The following LRP1B variants were observed in gnomAD, a reference collection of about 807,000 sequenced individuals.
LRP1B encodes low-density lipoprotein receptor-related protein 1B.
Under a neutral mutation model 556.6 loss-of-function variants are expected in LRP1B, and 217 were observed. That is an observed-to-expected ratio of 0.39 (90% CI 0.35 to 0.44). The LOEUF is 0.44. Among genes scored for constraint, LRP1B ranks in the 20% least tolerant of loss-of-function variants. LRP1B has a pLI of 1.00. For synonymous variants in LRP1B, 2,047 were observed against 1,865.8 expected (o/e 1.10, Z -2.50); for missense variants, 5,053 against 5,620.8 (o/e 0.90, Z 3.23).
intron 84 of LRP1B, among the ~76,000 whole-genome samples, chr2:140,295,639 G>A (rs1662057616): frequency 6.6e-6 from 1 of 152,142 alleles, no homozygotes; most frequent in African/African-American, 2.4e-5. Flanking sequence ...TGCTAAATAG[G>A]TAATATTCAG....
chr2:141,359,431 TA>T (rs1559028046), intron 3 of LRP1B, among the ~76,000 whole-genome samples: 1 of 152,092 alleles, frequency 6.6e-6, no homozygotes, highest in Non-Finnish European at 1.5e-5. Context: ...ATAAATGACT[TA>T]CGAGGAAAAG....
At chr2:141,765,993 G>T (rs897999266) in intron 2 of LRP1B, among the ~76,000 whole-genome samples, 1 of 151,960 alleles carries the variant, frequency 6.6e-6, no homozygotes, top group Non-Finnish European at 1.5e-5. Context: ...ACTGTAAAAG[G>T]AGCACGTGAA....
intron 6 of LRP1B, among the ~76,000 whole-genome samples, chr2:141,226,175 T>C (rs1441187158): frequency 6.6e-6 from 1 of 152,000 alleles, no homozygotes; most frequent in Non-Finnish European, 1.5e-5. Context: ...TCTTTCAGCA[T>C]ATTCAATAAA....
chr2:141,064,881 A>C (rs1699436036), intron 7 of LRP1B, among the ~76,000 whole-genome samples: 1 of 151,902 alleles, frequency 6.6e-6, no homozygotes, highest in African/African-American at 2.4e-5. Context: ...TGGGTTAAAA[A>C]TCACTCTCTT....
intron 3 of LRP1B, among the ~76,000 whole-genome samples, chr2:141,362,408 A>G (rs956192807): frequency 5.3e-5 from 8 of 152,194 alleles, no homozygotes; most frequent in Non-Finnish European, 2.9e-5. Context: ...TAGCCAGCAG[A>G]TGGGCATGGC....
chr2:141,406,389 T>C (rs898992920), intron 3 of LRP1B, among the ~76,000 whole-genome samples: 2 of 152,036 alleles, frequency 1.3e-5, no homozygotes, highest in African/African-American at 4.8e-5. Context: ...TAACATAAAC[T>C]GGGCCTATCT....
intron 1 of LRP1B, among the ~76,000 whole-genome samples, chr2:141,960,765 C>T (rs1043498340): frequency 9.9e-5 from 15 of 151,890 alleles, no homozygotes; most frequent in African/African-American, 3.6e-4. Context: ...GATTATCTTT[C>T]TATACATTAA....
chr2:141,882,434 G>T lies in LRP1B; in HGVS notation c.83-72033C>A, dbSNP rs534582058. 1.2e-4 allele frequency among the ~76,000 whole-genome samples: 18 copies of T among 152,258 alleles called. No homozygotes were observed. The South Asian group carries it at 3.5e-3, about 30-fold the overall frequency. ...CATTAGTCCCAAATCCATGAAGCCT[G>T]CTCTGCTTATAGATTGTTTGCAGCC... On this transcript the variant is annotated intron_variant, in intron 1 of 90. Transcript: ENST00000389484.
Position 141,231,679 on chromosome 2 carries a change from C to T in LRP1B, c.593-2239G>A, listed in dbSNP as rs182436356. Among the ~76,000 whole-genome samples the T allele has an allele frequency of 2.1e-3, 281 of 136,154 alleles. 1 individual carries two copies. Among genetic ancestry groups the T allele is most frequent in the African/African-American group, 7.3e-3 (271 of 37,044 alleles). 89.3% of individuals were successfully genotyped at this position (136,154 alleles called of 152,430 possible). ...ACCTTCCTTTCTTAAATTGTTATTGCTATCGTGTGCACCTGCCATACAAGG... is the reference window on the plus strand; with the variant it reads ...ACCTTCCTTTCTTAAATTGTTATTGTTATCGTGTGCACCTGCCATACAAGG... On this transcript the variant is annotated intron_variant, in intron 5 of 90. Transcript: ENST00000389484.
At chr2:141,464,506 G>T (rs111663470) in intron 3 of LRP1B, among the ~76,000 whole-genome samples, 4 of 148,844 alleles carry the variant, frequency 2.7e-5, no homozygotes, top group Non-Finnish European at 5.9e-5. Context: ...TCTGCCTCCC[G>T]GGTTCACGCC....
intron 7 of LRP1B, among the ~76,000 whole-genome samples, chr2:141,094,946 T>C (rs1882630): frequency 0.29 from 44,817 of 151,990 alleles, 7,089 homozygotes; most frequent in East Asian, 0.65. Flanking sequence ...GAAAGTTTGA[T>C]CCCCAGTGCA....
chr2:141,285,773 T>C (rs1298547705), intron 3 of LRP1B, among the ~76,000 whole-genome samples: 2 of 138,408 alleles, frequency 1.4e-5, no homozygotes, highest in Admixed American at 7.1e-5. Flanking sequence ...ATAATATTTT[T>C]AAAAATGTTC....
In LRP1B at chr2:141,424,773, T is replaced by G. The variant is rs144128232; in HGVS notation, c.343+55623A>C. Among the ~76,000 whole-genome samples the G allele has an allele frequency of 3.2e-3, 493 of 152,254 alleles. 2 individuals carry two copies. The highest frequency in any genetic ancestry group is 0.011 in the African/African-American group (472 of 41,566). ...AAAGCCAGATGTATCAGAAACATAT[T>G]GAAATAATATGTACATCTCTCAGTA... On this transcript the variant is annotated intron_variant, in intron 3 of 90. Coordinates refer to ENST00000389484, the MANE Select transcript of LRP1B (RefSeq NM_018557.3).
At chr2:141,498,553 GATCT>G (rs972922193) in intron 2 of LRP1B, among the ~76,000 whole-genome samples, 5 of 151,808 alleles carry the variant, frequency 3.3e-5, no homozygotes, top group African/African-American at 1.2e-4. Flanking sequence ...TAATGTTCAC[GATCT>G]ATTATGGCAT....
chr2:141,947,876 T>C (rs372073342), intron 1 of LRP1B, among the ~76,000 whole-genome samples: 1 of 151,360 alleles, frequency 6.6e-6, no homozygotes, highest in East Asian at 1.9e-4. Context: ...GAAACTCACA[T>C]CTGTTGAGCT....
At chr2:141,807,024 A>G (rs1172886085) in intron 2 of LRP1B, among the ~76,000 whole-genome samples, 1 of 152,108 alleles carries the variant, frequency 6.6e-6, no homozygotes, top group East Asian at 1.9e-4. Flanking sequence ...TTTTGTTCAT[A>G]TACTGAGCAC....
chr2:141,437,976 A>T (rs1680825780), intron 3 of LRP1B, among the ~76,000 whole-genome samples: 1 of 152,114 alleles, frequency 6.6e-6, no homozygotes, highest in Non-Finnish European at 1.5e-5. Context: ...CAAATTGTAC[A>T]TAAAATTCTT....
At chr2:140,601,038 T>C (rs1474991373) in intron 42 of LRP1B, among the ~76,000 whole-genome samples, 3 of 151,542 alleles carry the variant, frequency 2.0e-5, no homozygotes, top group Non-Finnish European at 2.9e-5. Context: ...TTCTTTTGTA[T>C]TGCAATTTGG....
intron 1 of LRP1B, among the ~76,000 whole-genome samples, chr2:141,856,739 C>T (rs1393315666): frequency 6.6e-6 from 1 of 152,134 alleles, no homozygotes. Context: ...GCTTCTTTCA[C>T]AGCAGCACCA....
Sources: allele counts gnomAD v4.1 joint callset (sites outside exome capture counted in the v4.1 genomes callset), GRCh38; gene constraint gnomAD v4.1.1; transcripts MANE v1.5; gene names NCBI Gene and HGNC (gene_info 2026-07-23, HGNC 2026-07-21).